The following TAOK3 variants were observed in gnomAD, a reference collection of about 807,000 sequenced individuals.
The protein encoded by TAOK3 is TAO kinase 3, also known as serine/threonine-protein kinase TAO3.
In TAOK3, 40 loss-of-function variants were observed where a neutral mutation model predicts 120.4. The observed-to-expected ratio is 0.33, with a 90% CI of 0.26 to 0.43. TAOK3 has a LOEUF of 0.43. Ranked by LOEUF, TAOK3 falls within the 20% of genes least tolerant of loss-of-function variation. TAOK3 has a pLI of 1.00. For missense variants in TAOK3, 821 were observed against 1,112.1 expected (o/e 0.74, Z 3.72); for synonymous variants, 355 against 387.5 (o/e 0.92, Z 0.99).
chr12:118,354,342 G>C (rs2045305573), intron 1 of TAOK3, among the ~76,000 whole-genome samples: 1 of 152,164 alleles, frequency 6.6e-6, no homozygotes, highest in South Asian at 2.1e-4. Flanking sequence ...CAGCTACTAA[G>C]TGACGAATAG....
At chr12:118,310,956 T>A (rs1305131524) in intron 1 of TAOK3, among the ~76,000 whole-genome samples, 2 of 152,190 alleles carry the variant, frequency 1.3e-5, no homozygotes, top group Non-Finnish European at 2.9e-5. Context: ...TTAATCTATA[T>A]CCACAAATAA....
At chr12:118,301,673 G>A (rs140612443) in intron 1 of TAOK3, among the ~76,000 whole-genome samples, 1,991 of 151,814 alleles carry the variant, frequency 0.013, 42 homozygotes, top group African/African-American at 0.044. Flanking sequence ...GAGAAACACC[G>A]TCTCTACTAA....
At chr12:118,206,037 T>G (rs1300473052) in intron 11 of TAOK3, among the ~76,000 whole-genome samples, 3 of 151,906 alleles carry the variant, frequency 2.0e-5, no homozygotes, top group Non-Finnish European at 4.4e-5. Flanking sequence ...CAGTGAGAGG[T>G]AGGCAGAAGT....
chr12:118,301,020 C>G (rs1053366081), intron 1 of TAOK3, among the ~76,000 whole-genome samples: 5 of 152,166 alleles, frequency 3.3e-5, no homozygotes, highest in Admixed American at 6.5e-5. Context: ...AAATGATCTG[C>G]CTGCCTCAGC....
At chr12:118,342,935 TAAAAAAAAAAAAAA>T (rs760467619) in intron 1 of TAOK3, among the ~76,000 whole-genome samples, 3 of 59,680 alleles carry the variant, frequency 5.0e-5, no homozygotes, top group Non-Finnish European at 9.7e-5. Context: ...CTCTGTCTGC[TAAAAAAAAAAAAAA>T]AAAAAAAAAG....
In TAOK3 at chr12:118,151,284, C is replaced by T. The variant is rs966693786; in HGVS notation, c.2536-126G>A. ...CATAGGCACACACATGAAGTGCGCG[C>T]GCGCGCACACACACACACACACACA... is the stretch of plus-strand genomic sequence containing the variant. On this transcript the variant is annotated intron_variant, in intron 20 of 20. Transcript: ENST00000392533. 1,110 of 569,012 alleles carry T rather than the reference C, an allele frequency of 2.0e-3. 14 individuals carry two copies. The highest frequency in any genetic ancestry group is 4.5e-3 in the South Asian group (174 of 38,312). The allele number at this position is 569,012 out of a possible 1,614,324, so 35.2% of individuals were successfully genotyped here.
At chr12:118,215,385 A>G (rs1267659118) in intron 9 of TAOK3, among the ~76,000 whole-genome samples, 2 of 149,598 alleles carry the variant, frequency 1.3e-5, no homozygotes, top group Non-Finnish European at 3.0e-5. Context: ...GGTGGCAGGC[A>G]CCTGTAGTCC....
chr12:118,292,880 C>T (rs548973654), intron 1 of TAOK3, among the ~76,000 whole-genome samples: 6 of 152,324 alleles, frequency 3.9e-5, no homozygotes, highest in African/African-American at 1.4e-4. Flanking sequence ...ATTCCAAAAT[C>T]TTTTCAAGTA....
chr12:118,325,235 A>G (rs2043889286), intron 1 of TAOK3, among the ~76,000 whole-genome samples: 1 of 152,206 alleles, frequency 6.6e-6, no homozygotes, highest in African/African-American at 2.4e-5. Flanking sequence ...TTTGGACTAT[A>G]ACTAGGAGTG....
intron 11 of TAOK3, among the ~76,000 whole-genome samples, chr12:118,211,319 G>T (rs1311150351): frequency 1.3e-5 from 2 of 152,010 alleles, no homozygotes; most frequent in African/African-American, 4.8e-5. Context: ...GGAATAATCG[G>T]TTGGCATATA....
chr12:118,217,810 TGTATAC>T (rs1327167763), intron 9 of TAOK3, among the ~76,000 whole-genome samples: 6 of 71,950 alleles, frequency 8.3e-5, no homozygotes, highest in African/African-American at 3.1e-4. Context: ...TGTGTGTGTG[TGTATAC>T]ATATATATAT....
At chr12:118,235,871 A>G (rs2040000882) in intron 7 of TAOK3, 200 bp from the exon 8 acceptor site, 1 of 503,388 alleles carries the variant, frequency 2.0e-6, no homozygotes, top group African/African-American at 1.9e-5. Flanking sequence ...GTGTACTTGC[A>G]GGTAGGTCAT....
At chr12:118,324,753 T>G (rs2043861591) in intron 1 of TAOK3, among the ~76,000 whole-genome samples, 1 of 138,724 alleles carries the variant, frequency 7.2e-6, no homozygotes, top group Non-Finnish European at 1.6e-5. Flanking sequence ...TTTTTTTTTT[T>G]TTTTTTTTTG....
At chr12:118,339,276 T>A (rs914420412) in intron 1 of TAOK3, among the ~76,000 whole-genome samples, 2 of 15,162 alleles carry the variant, frequency 1.3e-4, no homozygotes, top group Admixed American at 8.6e-4. Context: ...TTCATCATAC[T>A]TTTTTTTTTT....
intron 14 of TAOK3, among the ~76,000 whole-genome samples, chr12:118,187,112 T>C (rs1422701348): frequency 6.6e-6 from 1 of 152,230 alleles, no homozygotes; most frequent in East Asian, 1.9e-4. Context: ...CATCATTTAT[T>C]TATCTAGTTA....
chr12:118,359,846 T>C (rs2045531021), intron 1 of TAOK3: 1 of 152,210 alleles, frequency 6.6e-6, no homozygotes, highest in African/African-American at 2.4e-5. Flanking sequence ...CGAACAGAAC[T>C]ACCTTGGGCT....
At chr12:118,191,487 T>C (rs2037427636) in intron 13 of TAOK3, among the ~76,000 whole-genome samples, 2 of 152,020 alleles carry the variant, frequency 1.3e-5, no homozygotes, top group South Asian at 4.2e-4. Flanking sequence ...TAAAACAAAA[T>C]TAAGTGCAAA....
intron 9 of TAOK3, among the ~76,000 whole-genome samples, chr12:118,215,068 A>AG (rs898522378): frequency 1.3e-5 from 2 of 150,256 alleles, no homozygotes; most frequent in African/African-American, 4.9e-5. Flanking sequence ...TTTAGTAGAG[A>AG]GGGGGTTTCC....
At chr12:118,330,130 T>A (rs995950455) in intron 1 of TAOK3, among the ~76,000 whole-genome samples, 1 of 152,230 alleles carries the variant, frequency 6.6e-6, no homozygotes, top group Non-Finnish European at 1.5e-5. Context: ...TGTCTTCTTT[T>A]TTCACAATTT....
Sources: gnomAD v4.1 joint callset for allele counts (sites outside exome capture counted in the v4.1 genomes callset) on GRCh38, gnomAD v4.1.1 for gene constraint, MANE v1.5 for transcripts, NCBI Gene and HGNC (gene_info 2026-07-23, HGNC 2026-07-21) for gene names.